GNB1: variants seen among roughly 807,000 people sequenced by gnomAD.
GNB1 encodes guanine nucleotide-binding protein G(I)/G(S)/G(T) subunit beta-1.
GNB1 carries 2 observed loss-of-function variants against 42.9 expected under a neutral mutation model. That is an observed-to-expected ratio of 0.05 (90% CI 0.02 to 0.15). GNB1 has a LOEUF of 0.15. Among genes scored for constraint, GNB1 ranks in the 10% least tolerant of loss-of-function variants. The pLI is 1.00. For synonymous variants in GNB1, 183 were observed against 174.7 expected, an observed-to-expected ratio of 1.05 and a Z score of -0.38; for missense variants, 193 against 462.2, an observed-to-expected ratio of 0.42 and a Z score of 5.34.
chr1:1,866,479 G>A (rs923115527), intron 1 of GNB1, among the ~76,000 whole-genome samples: 1 of 152,134 alleles, frequency 6.6e-6, no homozygotes, highest in African/African-American at 2.4e-5. Flanking sequence ...CAACTGCACA[G>A]TATGCCATTC....
At chr1:1,835,529 C>T (rs927039109) in intron 2 of GNB1, among the ~76,000 whole-genome samples, 3 of 152,172 alleles carry the variant, frequency 2.0e-5, no homozygotes, top group Non-Finnish European at 4.4e-5. Flanking sequence ...GTCCAGAAAA[C>T]TACCTCCTGC....
chr1:1,839,611 C>T (rs531803175), intron 1 of GNB1: 2 of 152,030 alleles, frequency 1.3e-5, no homozygotes, highest in Non-Finnish European at 2.9e-5. Context: ...CTTTGGGAAG[C>T]TGAGGCAGGC....
At chr1:1,805,416 A>G (rs11260613) in intron 6 of GNB1, among the ~76,000 whole-genome samples, 124,440 of 149,858 alleles carry the variant, frequency 0.83, 53,496 homozygotes, top group Non-Finnish European at 0.95. Flanking sequence ...AGCAGAGATC[A>G]CGCCACTGCA....
chr1:1,865,898 G>C (rs889078890), intron 1 of GNB1, among the ~76,000 whole-genome samples: 2 of 151,078 alleles, frequency 1.3e-5, no homozygotes, highest in African/African-American at 4.9e-5. Context: ...TTTGTTTTTT[G>C]GTTGTTGTTT....
At chr1:1,792,402 A>G (rs2100532615) in intron 8 of GNB1, among the ~76,000 whole-genome samples, 1 of 152,292 alleles carries the variant, frequency 6.6e-6, no homozygotes, top group African/African-American at 2.4e-5. Flanking sequence ...GATTGTAGTT[A>G]AAATATCTAT....
Position 1,785,857 on chromosome 1 carries a change from G to A in GNB1, c.*1206C>T, listed in dbSNP as rs987400624. ...CAGTGACTTATCCCGCTACCCAAGC[G>A]TGTAGAGCCGCGCGCTGTACTGCTT... On this transcript the variant is annotated 3_prime_UTR_variant, in exon 12 of 12. Coordinates refer to ENST00000378609, the MANE Select transcript of GNB1 (RefSeq NM_002074.5). 6 of 384,142 alleles carry A rather than the reference G, an allele frequency of 1.6e-5. No individual in the cohort carries two copies. Among genetic ancestry groups the A allele is most frequent in the Admixed American group, 4.5e-5 (1 of 22,200 alleles). The allele number at this position is 384,142 out of a possible 1,614,324, so 23.8% of individuals were successfully genotyped here.
chr1:1,815,628 G>C (rs1368821871), intron 5 of GNB1, 128 bp downstream of exon 5: 3 of 618,024 alleles, frequency 4.9e-6, no homozygotes, highest in Non-Finnish European at 8.8e-6. Context: ...TGCGTGCCCA[G>C]AGTTCTGATT....
At chr1:1,890,056 G>A (rs1405452596) in intron 1 of GNB1, among the ~76,000 whole-genome samples, 1 of 152,104 alleles carries the variant, frequency 6.6e-6, no homozygotes, top group Non-Finnish European at 1.5e-5. Context: ...CCATCTTGGC[G>A]CGGCCACCGG....
chr1:1,839,334 A>T (rs1054365034), intron 1 of GNB1, 96 bp from the exon 2 acceptor site: 1 of 152,208 alleles, frequency 6.6e-6, no homozygotes, highest in East Asian at 1.9e-4. Context: ...AACGACACAT[A>T]AATTTGACCC....
chr1:1,876,555 G>A lies in GNB1; in HGVS notation c.-96+14265C>T, dbSNP rs1441818386. Among the ~76,000 whole-genome samples the A allele has an allele frequency of 2.0e-4, 30 of 152,040 alleles. 1 individual carries two copies. Among genetic ancestry groups the A allele is most frequent in the Admixed American group, 1.7e-3 (26 of 15,262 alleles). On this transcript the variant is annotated intron_variant, in intron 1 of 11. Coordinates refer to ENST00000378609, the MANE Select transcript of GNB1 (RefSeq NM_002074.5). ...CACGTGCACGAGCCAGTGAGCAAGCGCACACACATGCAAAAATGGGGTCTC... is the reference window on the plus strand; with the variant it reads ...CACGTGCACGAGCCAGTGAGCAAGCACACACACATGCAAAAATGGGGTCTC...
At chr1:1,866,212 T>TTA (rs759235343) in intron 1 of GNB1, among the ~76,000 whole-genome samples, 4 of 152,264 alleles carry the variant, frequency 2.6e-5, no homozygotes, top group Admixed American at 6.5e-5. Flanking sequence ...AGTGCTGAGA[T>TTA]TACAGGCGTG....
chr1:1,887,316 G>A (rs1167424743), intron 1 of GNB1, among the ~76,000 whole-genome samples: 4 of 152,162 alleles, frequency 2.6e-5, no homozygotes, highest in African/African-American at 9.7e-5. Flanking sequence ...GCTACAAAAA[G>A]TCAACTGATG....
chr1:1,868,684 G>T (rs1649078035), intron 1 of GNB1, among the ~76,000 whole-genome samples: 1 of 151,946 alleles, frequency 6.6e-6, no homozygotes, highest in South Asian at 2.1e-4. Context: ...TCAGGAGGCT[G>T]AGGCAGAATT....
At chr1:1,867,705 T>C (rs557614806) in intron 1 of GNB1, among the ~76,000 whole-genome samples, 1 of 152,332 alleles carries the variant, frequency 6.6e-6, no homozygotes, top group East Asian at 1.9e-4. Context: ...CTTTGAACTA[T>C]AGTTCAGAGG....
intron 2 of GNB1, among the ~76,000 whole-genome samples, chr1:1,837,570 T>C (rs551475984): frequency 4.6e-5 from 7 of 150,914 alleles, no homozygotes; most frequent in Admixed American, 2.0e-4. Context: ...TTTTTGTTTT[T>C]GTTTTTTTGA....
intron 1 of GNB1, among the ~76,000 whole-genome samples, chr1:1,847,313 G>A (rs996912843): frequency 2.2e-5 from 3 of 136,068 alleles, no homozygotes; most frequent in African/African-American, 5.0e-5. Context: ...CCCTTTTTCT[G>A]GACTGGTTCC....
At position 1,859,830 on chromosome 1, in the gene GNB1, C is replaced by G. The variant is rs139407879; in HGVS notation, c.-95-20592G>C. ...TCGAGATCGACCATCCTTGCCAACA[C>G]GGTAAACCCCTGTTCTCTACTAAAA... On this transcript the variant is annotated intron_variant, in intron 1 of 11. Coordinates refer to ENST00000378609, the MANE Select transcript of GNB1 (RefSeq NM_002074.5). 4.7e-3 allele frequency among the ~76,000 whole-genome samples: 683 copies of G among 146,610 alleles called. 6 individuals carry two copies. Among genetic ancestry groups the G allele is most frequent in the African/African-American group, 0.016 (640 of 39,082 alleles).
intron 1 of GNB1, among the ~76,000 whole-genome samples, chr1:1,863,869 T>C (rs2101680230): frequency 6.6e-6 from 1 of 152,240 alleles, no homozygotes; most frequent in East Asian, 1.9e-4. Flanking sequence ...CAGAACAATG[T>C]TTCTGTGGGA....
chr1:1,785,825 A>C lies in GNB1; in HGVS notation c.*1238T>G. ...GAACTTTTTTTTTTTTAAAGAAATAAAGAAAACAGTGACTTATCCCGCTAC... is the reference window on the plus strand; with the variant it reads ...GAACTTTTTTTTTTTTAAAGAAATACAGAAAACAGTGACTTATCCCGCTAC... On this transcript the variant is annotated 3_prime_UTR_variant, in exon 12 of 12. Transcript: ENST00000378609. The C allele has an allele frequency of 2.5e-6, 1 of 395,568 alleles. No homozygotes were observed. The highest frequency in any genetic ancestry group is 4.4e-6 in the Non-Finnish European group (1 of 224,964). The allele number at this position is 395,568 out of a possible 1,614,324, so 24.5% of individuals were successfully genotyped here.
Sources: gnomAD v4.1 joint callset for allele counts (sites outside exome capture counted in the v4.1 genomes callset) on GRCh38, gnomAD v4.1.1 for gene constraint, MANE v1.5 for transcripts, NCBI Gene and HGNC (gene_info 2026-07-23, HGNC 2026-07-21) for gene names.